The following SPOCK3 variants were observed in gnomAD, a reference collection of about 807,000 sequenced individuals.
SPOCK3 encodes the protein testican-3.
Under a neutral mutation model 56.6 loss-of-function variants are expected in SPOCK3, and 30 were observed. That is an observed-to-expected ratio of 0.53 (90% CI 0.40 to 0.72). The LOEUF (loss-of-function observed/expected upper bound fraction) is 0.72, where lower values mean the gene tolerates loss of function less well. Ranked by LOEUF, SPOCK3 falls within the 30% of genes least tolerant of loss-of-function variation. The probability of loss-of-function intolerance (pLI) is 0.00; values close to 1 mark genes in which losing one functional copy is unlikely to be tolerated. For missense variants in SPOCK3, 527 were observed against 530.0 expected, an observed-to-expected ratio of 0.99 and a Z score of 0.06; for synonymous variants, 196 against 183.3, an observed-to-expected ratio of 1.07 and a Z score of -0.56.
At chr4:167,090,655 C>A (rs376890277) in intron 2 of SPOCK3, among the ~76,000 whole-genome samples, 1 of 151,992 alleles carries the variant, frequency 6.6e-6, no homozygotes, top group Non-Finnish European at 1.5e-5. Flanking sequence ...AGGCATGCAC[C>A]ACCATGCCCA....
intron 2 of SPOCK3, among the ~76,000 whole-genome samples, chr4:167,219,206 T>C (rs528853753): frequency 6.6e-6 from 1 of 152,258 alleles, no homozygotes; most frequent in African/African-American, 2.4e-5. Context: ...TCAGGCAGCC[T>C]TACTGGAAGA....
chr4:167,004,165 G>A (rs1561108467), intron 3 of SPOCK3, among the ~76,000 whole-genome samples: 1 of 152,174 alleles, frequency 6.6e-6, no homozygotes. Flanking sequence ...ACATTGTTAA[G>A]TGGAACTTAC....
intron 2 of SPOCK3, among the ~76,000 whole-genome samples, chr4:167,233,030 C>T (rs7657608): frequency 0.3 from 46,295 of 152,018 alleles, 7,267 homozygotes; most frequent in African/African-American, 0.34. Flanking sequence ...TGTCTAGGAA[C>T]CACTCTCGCT....
Position 166,885,931 on chromosome 4 carries a change from G to A in SPOCK3, c.589+3199C>T, listed in dbSNP as rs12642160. 1.8e-3 allele frequency among the ~76,000 whole-genome samples: 269 copies of A among 152,224 alleles called. 3 individuals are homozygous for A. The East Asian group carries it at 0.046, about 26-fold the overall frequency. ...ATGGAGCACTTTAGATGTGTCATATGTCTAAAGTTTACTGTGCTTATGTAC... is the reference window on the plus strand; with the variant it reads ...ATGGAGCACTTTAGATGTGTCATATATCTAAAGTTTACTGTGCTTATGTAC... On this transcript the variant is annotated intron_variant, in intron 6 of 10. Transcript: ENST00000357545.
At chr4:166,858,908 T>C (rs1021732122) in intron 6 of SPOCK3, among the ~76,000 whole-genome samples, 1 of 152,164 alleles carries the variant, frequency 6.6e-6, no homozygotes, top group Non-Finnish European at 1.5e-5. Context: ...CAGTCACAAG[T>C]CACATAACAT....
Position 166,922,157 on chromosome 4 carries a change from A to G in SPOCK3, c.351-9414T>C, listed in dbSNP as rs1738568005. ...TGATCATCTGAGGTGAAACAGTTTC[A>G]TACCCAAACCATCTCCCACTCCCCT... On this transcript the variant is annotated intron_variant, in intron 4 of 10. Transcript: ENST00000357545. Among the ~76,000 whole-genome samples, 6 of 152,276 alleles carry G rather than the reference A, an allele frequency of 3.9e-5. No homozygotes were observed. In the South Asian group the frequency reaches 1.2e-3, roughly 32 times the overall value.
At chr4:167,126,907 A>G (rs925102759) in intron 2 of SPOCK3, among the ~76,000 whole-genome samples, 3 of 152,140 alleles carry the variant, frequency 2.0e-5, no homozygotes, top group Non-Finnish European at 2.9e-5. Flanking sequence ...TGTTGCTGGT[A>G]GAAAACAAAA....
At chr4:167,162,896 A>G (rs1765440027) in intron 2 of SPOCK3, among the ~76,000 whole-genome samples, 1 of 151,992 alleles carries the variant, frequency 6.6e-6, no homozygotes, top group Admixed American at 6.6e-5. Context: ...TAAACTTTGG[A>G]AGAGATTACA....
intron 3 of SPOCK3, among the ~76,000 whole-genome samples, chr4:167,029,806 T>C (rs1752085498): frequency 6.6e-6 from 1 of 152,066 alleles, no homozygotes; most frequent in Admixed American, 6.6e-5. Context: ...TCTTTCAATA[T>C]GGAAATTATC....
Position 167,087,104 on chromosome 4 carries a change from A to G in SPOCK3, c.190-24567T>C, listed in dbSNP as rs376284230. ...AAATAATTTGTCGGCAAATAATTTT[A>G]TTTCTTAGATAATGCTTACTCTGTA... On this transcript the variant is annotated intron_variant, in intron 2 of 10. Transcript: ENST00000357545. Among the ~76,000 whole-genome samples, 9 of 152,202 alleles carry G rather than the reference A, an allele frequency of 5.9e-5. No homozygotes were observed. The East Asian group carries it at 1.4e-3, about 23-fold the overall frequency.
intron 4 of SPOCK3, among the ~76,000 whole-genome samples, chr4:166,952,485 T>C (rs999380278): frequency 2.0e-5 from 3 of 152,084 alleles, no homozygotes; most frequent in African/African-American, 7.2e-5. Context: ...GAAGAATCAA[T>C]ATCGTGAAAA....
intron 4 of SPOCK3, among the ~76,000 whole-genome samples, chr4:166,942,190 T>C (rs1428644220): frequency 6.6e-6 from 1 of 152,078 alleles, no homozygotes; most frequent in East Asian, 1.9e-4. Flanking sequence ...ACTCGGTGTT[T>C]CCATTTCCAT....
chr4:167,075,332 C>T (rs554355550), intron 2 of SPOCK3, among the ~76,000 whole-genome samples: 10 of 151,918 alleles, frequency 6.6e-5, no homozygotes, highest in Non-Finnish European at 1.0e-4. Flanking sequence ...GCTGTGAAAG[C>T]TTTTCCAATG....
intron 2 of SPOCK3, among the ~76,000 whole-genome samples, chr4:167,130,457 C>A (rs546219971): frequency 6.6e-6 from 1 of 151,852 alleles, no homozygotes; most frequent in South Asian, 2.1e-4. Context: ...AGAAGTCAAG[C>A]CATTAGATAT....
chr4:167,136,399 CAT>C (rs1218093334), intron 2 of SPOCK3, among the ~76,000 whole-genome samples: 7 of 152,104 alleles, frequency 4.6e-5, no homozygotes, highest in South Asian at 2.1e-4. Flanking sequence ...ACAACAATAA[CAT>C]ATATTTCTGT....
At chr4:167,043,893 G>A (rs561540723) in intron 3 of SPOCK3, among the ~76,000 whole-genome samples, 1 of 152,000 alleles carries the variant, frequency 6.6e-6, no homozygotes, top group East Asian at 1.9e-4. Flanking sequence ...AGTCTACAGT[G>A]TTTGTTTTCT....
At chr4:167,204,604 A>T (rs1733845158) in intron 2 of SPOCK3, among the ~76,000 whole-genome samples, 1 of 152,078 alleles carries the variant, frequency 6.6e-6, no homozygotes, top group Non-Finnish European at 1.5e-5. Context: ...TGTGGGGATT[A>T]CAATTCGGAT....
At chr4:166,923,178 T>G (rs1438245606) in intron 4 of SPOCK3, among the ~76,000 whole-genome samples, 1 of 152,184 alleles carries the variant, frequency 6.6e-6, no homozygotes, top group African/African-American at 2.4e-5. Context: ...AACTTTCTAC[T>G]CCATCTTCCT....
intron 2 of SPOCK3, among the ~76,000 whole-genome samples, chr4:167,110,579 G>T (rs1027773885): frequency 6.6e-6 from 1 of 152,026 alleles, no homozygotes; most frequent in South Asian, 2.1e-4. Context: ...TGATAGGGAA[G>T]AATTCATCAA....
Sources: allele counts gnomAD v4.1 joint callset (sites outside exome capture counted in the v4.1 genomes callset), GRCh38; gene constraint gnomAD v4.1.1; transcripts MANE v1.5; gene names NCBI Gene and HGNC (gene_info 2026-07-23, HGNC 2026-07-21).